The following DYM variants were observed in gnomAD, a reference collection of about 807,000 sequenced individuals.
DYM encodes dymeclin, also known as dyggve-Melchior-Clausen syndrome protein.
Under a neutral mutation model 93.1 loss-of-function variants are expected in DYM, and 78 were observed. The observed-to-expected ratio is 0.84, with a 90% CI of 0.70 to 1.01. The LOEUF (loss-of-function observed/expected upper bound fraction) is 1.01, where lower values mean the gene tolerates loss of function less well. DYM is among the 50% of genes least tolerant of loss of function. The pLI, the probability that DYM is intolerant of heterozygous loss-of-function variation, is 0.00. For synonymous variants in DYM, 321 were observed against 319.7 expected, an observed-to-expected ratio of 1.00 and a Z score of -0.04; for missense variants, 789 against 845.0, an observed-to-expected ratio of 0.93 and a Z score of 0.82.
intron 13 of DYM, among the ~76,000 whole-genome samples, chr18:49,248,701 T>C (rs932394448): frequency 2.6e-5 from 4 of 151,788 alleles, no homozygotes; most frequent in Non-Finnish European, 5.9e-5. Flanking sequence ...AATAAAAACA[T>C]ATCTTAAAGA....
chr18:49,315,665 T>C (rs1174559520), intron 8 of DYM, among the ~76,000 whole-genome samples: 1 of 152,234 alleles, frequency 6.6e-6, no homozygotes, highest in Non-Finnish European at 1.5e-5. Flanking sequence ...ATTAGCACAA[T>C]TATTTTCTAA....
chr18:49,367,689 G>C (rs2066643896), intron 5 of DYM, among the ~76,000 whole-genome samples: 1 of 152,216 alleles, frequency 6.6e-6, no homozygotes, highest in Non-Finnish European at 1.5e-5. Flanking sequence ...TTAAAAGACA[G>C]AGTTTTTGTC....
chr18:49,167,029 TGTGTGC>T (rs926802107), intron 14 of DYM, among the ~76,000 whole-genome samples: 9 of 120,426 alleles, frequency 7.5e-5, no homozygotes, highest in East Asian at 6.5e-4. Context: ...TGTGTGTGTG[TGTGTGC>T]GCGCCTGTGT....
At chr18:49,316,497 C>T (rs189370530) in intron 8 of DYM, among the ~76,000 whole-genome samples, 447 of 152,208 alleles carry the variant, frequency 2.9e-3, no homozygotes, top group Non-Finnish European at 4.9e-3. Flanking sequence ...ATGATACTTA[C>T]GCAAGCATTT....
intron 13 of DYM, among the ~76,000 whole-genome samples, chr18:49,214,009 T>C (rs915954277): frequency 3.9e-5 from 6 of 152,200 alleles, no homozygotes; most frequent in Non-Finnish European, 5.9e-5. Context: ...ATTACTCTTA[T>C]AGTAGTTCCT....
At chr18:49,134,597 T>A (rs1439745620) in intron 15 of DYM, among the ~76,000 whole-genome samples, 1 of 152,112 alleles carries the variant, frequency 6.6e-6, no homozygotes, top group Non-Finnish European at 1.5e-5. Context: ...ACAAAACAGA[T>A]CCTCAGTTTA....
At chr18:49,233,079 T>C (rs1305952800) in intron 13 of DYM, among the ~76,000 whole-genome samples, 1 of 152,022 alleles carries the variant, frequency 6.6e-6, no homozygotes, top group African/African-American at 2.4e-5. Flanking sequence ...AATGTACCTT[T>C]CGGCCAGTGC....
At chr18:49,163,648 G>A (rs747082993) in intron 15 of DYM, 37 bp downstream of exon 15, 15 of 1,489,928 alleles carry the variant, frequency 1.0e-5, no homozygotes, top group African/African-American at 9.7e-5. Context: ...CTGGCTGAAA[G>A]GAAAATTTTT....
At chr18:49,295,704 A>C (rs2060489555) in intron 8 of DYM, among the ~76,000 whole-genome samples, 1 of 152,174 alleles carries the variant, frequency 6.6e-6, no homozygotes, top group African/African-American at 2.4e-5. Flanking sequence ...AGCCAAACCG[A>C]TATCCTAACT....
chr18:49,283,202 T>C (rs2095034610), intron 9 of DYM, among the ~76,000 whole-genome samples: 1 of 152,148 alleles, frequency 6.6e-6, no homozygotes, highest in Non-Finnish European at 1.5e-5. Context: ...ATTTATCAAA[T>C]ACAGTACTGA....
chr18:49,425,149 C>A (rs2074141625), intron 2 of DYM, among the ~76,000 whole-genome samples: 1 of 152,166 alleles, frequency 6.6e-6, no homozygotes, highest in Non-Finnish European at 1.5e-5. Flanking sequence ...AACTATACTA[C>A]AAGGCTACAG....
At chr18:49,431,960 T>C (rs1294257781) in intron 1 of DYM, 1 of 152,214 alleles carries the variant, frequency 6.6e-6, no homozygotes, top group African/African-American at 2.4e-5. Flanking sequence ...ATAACTCAAT[T>C]CAACTTCAAC....
At chr18:49,207,884 T>G (rs1007458928) in intron 14 of DYM, among the ~76,000 whole-genome samples, 12 of 152,082 alleles carry the variant, frequency 7.9e-5, no homozygotes, top group African/African-American at 2.9e-4. Context: ...GATACACTAG[T>G]AAATAAGAGT....
chr18:49,097,212 A>T, intron 17 of DYM, 190 bp downstream of exon 17: 1 of 630,616 alleles, frequency 1.6e-6, no homozygotes, highest in South Asian at 1.9e-5. Context: ...TACTTGTAGG[A>T]TATGCAGTGG....
At chr18:49,435,215 A>C (rs1399483049) in intron 1 of DYM, among the ~76,000 whole-genome samples, 1 of 150,994 alleles carries the variant, frequency 6.6e-6, no homozygotes, top group African/African-American at 2.4e-5. Flanking sequence ...CTCAAAAAAA[A>C]AAAAAAAAAA....
rs2059667106 is a variant in DYM, at chr18:49,286,425, A to C, written c.946+9T>G. 1 of 1,613,956 alleles carries C rather than the reference A, an allele frequency of 6.2e-7. No individual in the cohort carries two copies. The highest frequency in any genetic ancestry group is 1.3e-5 in the African/African-American group (1 of 74,954). ...TTACAAAGAATATTAGAGAAAAAAT[A>C]CCACAAACCTTGTGTGTTCTTGAAG... is the stretch of plus-strand genomic sequence containing the variant. On this transcript the variant is annotated intron_variant, in intron 9 of 17. Transcript: ENST00000675505.
chr18:49,357,927 G>A (rs1303499038), intron 6 of DYM, among the ~76,000 whole-genome samples: 2 of 152,092 alleles, frequency 1.3e-5, no homozygotes, highest in Admixed American at 6.5e-5. Flanking sequence ...AGGCAGGAGG[G>A]TTGCTTGAGC....
Position 49,301,691 on chromosome 18 carries a change from A to C in DYM, c.764-15075T>G, listed in dbSNP as rs116847316. On this transcript the variant is annotated intron_variant, in intron 8 of 17. Transcript: ENST00000675505. ...AATTCATTTCAACAAGCAGTTAATA[A>C]GCATACACTAACACTAGTAGTCTCC... 2.6e-3 allele frequency among the ~76,000 whole-genome samples: 402 copies of C among 152,372 alleles called. 2 individuals are homozygous for C. Among genetic ancestry groups the C allele is most frequent in the Non-Finnish European group, 5.1e-3 (350 of 68,038 alleles).
At chr18:49,327,376 T>C (rs893484496) in intron 8 of DYM, among the ~76,000 whole-genome samples, 3 of 152,026 alleles carry the variant, frequency 2.0e-5, no homozygotes, top group Non-Finnish European at 2.9e-5. Context: ...TGTTTTTTTG[T>C]TGTTGAGACA....
Sources: allele counts gnomAD v4.1 joint callset (sites outside exome capture counted in the v4.1 genomes callset), GRCh38; gene constraint gnomAD v4.1.1; transcripts MANE v1.5; gene names NCBI Gene and HGNC (gene_info 2026-07-23, HGNC 2026-07-21).